The following NLGN1 variants were observed in gnomAD, a reference collection of about 807,000 sequenced individuals.
NLGN1 encodes neuroligin-1.
Under a neutral mutation model 65.5 loss-of-function variants are expected in NLGN1, and 12 were observed. The observed-to-expected ratio is 0.18, with a 90% CI of 0.12 to 0.30. NLGN1 has a LOEUF of 0.30. Ranked by LOEUF, NLGN1 falls within the 10% of genes least tolerant of loss-of-function variation. The probability of loss-of-function intolerance (pLI) is 1.00; values close to 1 mark genes in which losing one functional copy is unlikely to be tolerated. For missense variants in NLGN1, 750 were observed against 1,007.1 expected (o/e 0.74, Z 3.46); for synonymous variants, 350 against 359.5 (o/e 0.97, Z 0.30).
At chr3:173,990,163 T>A (rs544437585) in intron 4 of NLGN1, among the ~76,000 whole-genome samples, 4 of 152,256 alleles carry the variant, frequency 2.6e-5, no homozygotes, top group African/African-American at 9.6e-5. Flanking sequence ...AGTCTTAGGC[T>A]TTACCCAAAA....
intron 3 of NLGN1, among the ~76,000 whole-genome samples, chr3:173,642,729 C>A (rs964323223): frequency 6.6e-6 from 1 of 152,132 alleles, no homozygotes; most frequent in Non-Finnish European, 1.5e-5. Context: ...AGAGGCTCAG[C>A]TCAAAGCTCA....
chr3:173,668,645 A>T, intron 3 of NLGN1, among the ~76,000 whole-genome samples: 1 of 143,014 alleles, frequency 7.0e-6, no homozygotes, highest in Non-Finnish European at 1.5e-5. Flanking sequence ...TTTAAGACAG[A>T]GTCTCACTCC....
intron 2 of NLGN1, among the ~76,000 whole-genome samples, chr3:173,574,356 A>G (rs957918837): frequency 3.9e-5 from 6 of 152,002 alleles, no homozygotes; most frequent in African/African-American, 1.4e-4. Context: ...TAACCCAAAT[A>G]TAAGATCTTG....
chr3:174,011,009 T>C (rs1725431669), intron 4 of NLGN1, among the ~76,000 whole-genome samples: 1 of 152,100 alleles, frequency 6.6e-6, no homozygotes. Flanking sequence ...ATTATAGAAA[T>C]AGAATACATT....
At chr3:173,631,419 C>T (rs1755664254) in intron 3 of NLGN1, among the ~76,000 whole-genome samples, 1 of 152,010 alleles carries the variant, frequency 6.6e-6, no homozygotes, top group South Asian at 2.1e-4. Context: ...CAACCAAAAG[C>T]TTTGCACTTG....
chr3:174,146,895 C>T (rs1004840906), intron 4 of NLGN1, among the ~76,000 whole-genome samples: 8 of 152,026 alleles, frequency 5.3e-5, no homozygotes, highest in African/African-American at 1.4e-4. Context: ...CAAAGTAGAC[C>T]TTTAAAAATA....
intron 2 of NLGN1, among the ~76,000 whole-genome samples, chr3:173,476,051 A>G (rs1726148487): frequency 6.6e-6 from 1 of 152,194 alleles, no homozygotes; most frequent in Admixed American, 6.5e-5. Flanking sequence ...CCTTATAAAT[A>G]TTGATTATTT....
chr3:173,838,539 A>G (rs1724110270), intron 4 of NLGN1, among the ~76,000 whole-genome samples: 1 of 152,184 alleles, frequency 6.6e-6, no homozygotes, highest in Non-Finnish European at 1.5e-5. Context: ...TCATTCTCCT[A>G]GAACATACGC....
At chr3:174,225,212 A>C (rs1331294776) in intron 4 of NLGN1, among the ~76,000 whole-genome samples, 2 of 152,118 alleles carry the variant, frequency 1.3e-5, no homozygotes, top group Non-Finnish European at 2.9e-5. Context: ...ACATATGGCC[A>C]CTTTCTTCAG....
intron 4 of NLGN1, among the ~76,000 whole-genome samples, chr3:174,070,891 A>G (rs1305882705): frequency 6.6e-6 from 1 of 152,014 alleles, no homozygotes; most frequent in Non-Finnish European, 1.5e-5. Context: ...CCCCATCTCT[A>G]TGAAAAATTT....
At chr3:173,570,506 A>T (rs1328819955) in intron 2 of NLGN1, among the ~76,000 whole-genome samples, 1 of 152,144 alleles carries the variant, frequency 6.6e-6, no homozygotes. Flanking sequence ...GGTGAGCTTA[A>T]CCAAATAATT....
chr3:174,090,374 G>A (rs1334084329), intron 4 of NLGN1, among the ~76,000 whole-genome samples: 1 of 152,138 alleles, frequency 6.6e-6, no homozygotes, highest in Non-Finnish European at 1.5e-5. Context: ...TTGGGGTGCT[G>A]AGGCAGGAGA....
rs182416738 is a variant in NLGN1 at position 174,233,450 on chromosome 3, C to A, written c.647-41865C>A. On this transcript the variant is annotated intron_variant, in intron 4 of 6. Transcript: ENST00000457714. Reference sequence around the variant, plus strand: ...GCAGTGAGCTGAGATCACGCCATTGCACTCCAGCTTGGGCAACAAGAGCAA... The same window carrying A: ...GCAGTGAGCTGAGATCACGCCATTGAACTCCAGCTTGGGCAACAAGAGCAA... Among the ~76,000 whole-genome samples, 556 of 151,746 alleles carry A rather than the reference C, an allele frequency of 3.7e-3. 5 individuals are homozygous for A. The highest frequency in any genetic ancestry group is 0.013 in the African/African-American group (531 of 41,378).
chr3:173,715,084 T>C (rs1769620107), intron 3 of NLGN1, among the ~76,000 whole-genome samples: 1 of 152,016 alleles, frequency 6.6e-6, no homozygotes, highest in East Asian at 1.9e-4. Context: ...AAAAAAGGCA[T>C]GAAAGGTGGG....
At chr3:173,593,834 G>A (rs909703604) in intron 2 of NLGN1, among the ~76,000 whole-genome samples, 9 of 152,166 alleles carry the variant, frequency 5.9e-5, no homozygotes, top group East Asian at 1.9e-4. Flanking sequence ...GGCGGGAGAT[G>A]AAAGGCACTT....
intron 2 of NLGN1, among the ~76,000 whole-genome samples, chr3:173,539,588 ATG>A (rs1326236169): frequency 1.4e-5 from 2 of 139,644 alleles, no homozygotes; most frequent in African/African-American, 5.4e-5. Context: ...TATGTTATAT[ATG>A]TTATATAATA....
At chr3:173,757,430 T>C (rs973759327) in intron 3 of NLGN1, among the ~76,000 whole-genome samples, 1 of 152,070 alleles carries the variant, frequency 6.6e-6, no homozygotes, top group Non-Finnish European at 1.5e-5. Context: ...ACAAGAAACA[T>C]AGGTGATGGT....
intron 4 of NLGN1, among the ~76,000 whole-genome samples, chr3:174,217,877 A>C (rs2152802108): frequency 6.6e-6 from 1 of 152,178 alleles, no homozygotes; most frequent in East Asian, 1.9e-4. Context: ...AAGCACCAAA[A>C]GAATACCCCA....
chr3:173,591,727 G>A (rs951724408), intron 2 of NLGN1, among the ~76,000 whole-genome samples: 2 of 152,042 alleles, frequency 1.3e-5, no homozygotes, highest in Non-Finnish European at 2.9e-5. Context: ...ACCAGGAATG[G>A]CAATTTTCCA....
Sources: allele counts gnomAD v4.1 joint callset (sites outside exome capture counted in the v4.1 genomes callset), GRCh38; gene constraint gnomAD v4.1.1; transcripts MANE v1.5; gene names NCBI Gene and HGNC (gene_info 2026-07-23, HGNC 2026-07-21).